The following PCDHGB3 variants were observed in gnomAD, a reference collection of about 807,000 sequenced individuals.
PCDHGB3 encodes protocadherin gamma subfamily B, 3.
In PCDHGB3, 40 loss-of-function variants were observed where a neutral mutation model predicts 59.2. The observed-to-expected ratio is 0.68, with a 90% CI of 0.52 to 0.88. PCDHGB3 has a LOEUF of 0.88. Ranked by LOEUF, PCDHGB3 falls within the 40% of genes least tolerant of loss-of-function variation. The probability of loss-of-function intolerance (pLI) is 0.00; values close to 1 mark genes in which losing one functional copy is unlikely to be tolerated. For missense variants in PCDHGB3, 1,309 were observed against 1,187.9 expected, an observed-to-expected ratio of 1.10 and a Z score of -1.50; for synonymous variants, 581 against 503.6, an observed-to-expected ratio of 1.15 and a Z score of -2.06.
chr5:141,370,878 G>A lies in PCDHGB3; in HGVS notation c.484G>A (p.Val162Ile), dbSNP rs906619365. 6.2e-7 allele frequency: 1 copy of A among 1,613,918 alleles called. No homozygotes were observed. Among genetic ancestry groups the A allele is most frequent in the African/African-American group, 1.3e-5 (1 of 74,928 alleles). Residue 162 changes from valine to isoleucine, a missense_variant, in exon 1 of 4, where the codon GTA (valine) becomes ATA (isoleucine). Coordinates refer to ENST00000576222, the MANE Select transcript of PCDHGB3 (RefSeq NM_018924.5). ...FALESAQDPD[V>I]GVNSLQQYYL... ...CCTGGAATCTGCGCAAGATCCTGAT[G>A]TAGGTGTCAATTCGCTGCAGCAGTA...
At chr5:141,415,425 T>G (rs777503392) in intron 1 of PCDHGB3, 7 of 1,614,080 alleles carry the variant, frequency 4.3e-6, no homozygotes, top group African/African-American at 1.3e-5. Context: ...TGGACGGGGT[T>G]CGGGCTTTCC....
intron 1 of PCDHGB3, among the ~76,000 whole-genome samples, chr5:141,444,242 G>A (rs964582042): frequency 7.5e-6 from 1 of 133,896 alleles, no homozygotes; most frequent in Non-Finnish European, 1.5e-5. Flanking sequence ...CATGCTCTCG[G>A]CTCACTGCAA....
Position 141,491,509 on chromosome 5 carries a change from C to T in PCDHGB3, c.2416-3298C>T. 6.2e-7 allele frequency: 1 copy of T among 1,614,058 alleles called. No individual in the cohort carries two copies. Among genetic ancestry groups the T allele is most frequent in the Non-Finnish European group, 8.5e-7 (1 of 1,180,022 alleles). On this transcript the variant is annotated intron_variant, in intron 1 of 3. Coordinates refer to ENST00000576222, the MANE Select transcript of PCDHGB3 (RefSeq NM_018924.5). The surrounding 1 kb of genome is among the most constrained non-coding windows in gnomAD (Gnocchi z 6.9). Reference sequence around the variant, plus strand: ...CCTGCAGGTGAGCTCGGACGGCACGCTCAAGTACATGGAGGTGACGCTGCG... The same window carrying T: ...CCTGCAGGTGAGCTCGGACGGCACGTTCAAGTACATGGAGGTGACGCTGCG...
intron 1 of PCDHGB3, chr5:141,390,614 G>C (rs184586504): frequency 4.8e-5 from 14 of 289,200 alleles, no homozygotes; most frequent in Admixed American, 2.4e-4. Context: ...TTTCCTTCTT[G>C]TTGACTAATA....
intron 1 of PCDHGB3, among the ~76,000 whole-genome samples, chr5:141,473,195 C>G (rs1053769499): frequency 6.6e-6 from 1 of 152,104 alleles, no homozygotes; most frequent in Non-Finnish European, 1.5e-5. Flanking sequence ...GTAAATGTAT[C>G]TTCTAAAAAA....
rs540471918 is a variant in PCDHGB3 at position 141,433,283 on chromosome 5, T to C, written c.2415+60474T>C. ...ATCATAGCTCACTGCAGCCTCAAAC[T>C]CCTAGGCTCAAGCAATTATCCCACC... On this transcript the variant is annotated intron_variant, in intron 1 of 3. Coordinates refer to ENST00000576222, the MANE Select transcript of PCDHGB3 (RefSeq NM_018924.5). The C allele has an allele frequency of 4.2e-5, 50 of 1,183,074 alleles. No homozygotes were observed. In the Admixed American group the frequency reaches 7.9e-4, roughly 19 times the overall value. 73.3% of individuals were successfully genotyped at this position (1,183,074 alleles called of 1,614,324 possible).
chr5:141,500,460 C>T (rs1421637554), intron 2 of PCDHGB3, among the ~76,000 whole-genome samples: 2 of 152,234 alleles, frequency 1.3e-5, no homozygotes, highest in South Asian at 2.1e-4. Context: ...CCGCCCGCCT[C>T]GGCCTCCCAA....
chr5:141,413,921 C>G, intron 1 of PCDHGB3: 2 of 1,613,360 alleles, frequency 1.2e-6, no homozygotes, highest in Middle Eastern at 1.6e-4. Flanking sequence ...TTCACCTTGC[C>G]AGAATACCGA....
chr5:141,375,960 TGC>T (rs1772099160), intron 1 of PCDHGB3: 2 of 1,613,220 alleles, frequency 1.2e-6, no homozygotes, highest in South Asian at 2.2e-5. Flanking sequence ...ACGGGCGAGG[TGC>T]GCACGGCGCG....
intron 1 of PCDHGB3, chr5:141,375,644 G>C: frequency 6.2e-7 from 1 of 1,614,180 alleles, no homozygotes; most frequent in Non-Finnish European, 8.5e-7. Flanking sequence ...GCGCTCCTTC[G>C]ACTATGAGCA....
intron 2 of PCDHGB3, among the ~76,000 whole-genome samples, chr5:141,495,296 T>TCCTCCAGAG (rs998633800): frequency 1.3e-5 from 2 of 152,054 alleles, no homozygotes; most frequent in Non-Finnish European, 2.9e-5. Flanking sequence ...ACTCAGCGCC[T>TCCTCCAGAG]CCTCCAGAGC....
chr5:141,416,011 GGTAA>G (rs1031382322), intron 1 of PCDHGB3: 25 of 239,912 alleles, frequency 1.0e-4, no homozygotes, highest in Non-Finnish European at 3.9e-5. Flanking sequence ...GGTAAGAATA[GGTAA>G]GTATCAGAAA....
In PCDHGB3 at chr5:141,432,700, G is replaced by C. The variant is rs1320099367; in HGVS notation, c.2415+59891G>C. 4 of 1,613,980 alleles carry C rather than the reference G, an allele frequency of 2.5e-6. No individual in the cohort carries two copies. In the Admixed American group the frequency reaches 6.7e-5, roughly 27 times the overall value. ...AGCAGAGCCTCGTAGTGGCCGTCCA[G>C]GACCACGGCCAGCCCCCTCTCTCCG... On this transcript the variant is annotated intron_variant, in intron 1 of 3. Coordinates refer to ENST00000576222, the MANE Select transcript of PCDHGB3 (RefSeq NM_018924.5). The surrounding 1 kb of genome is among the most constrained non-coding windows in gnomAD (Gnocchi z 6.0).
chr5:141,383,975 A>G (rs2150246512), intron 1 of PCDHGB3: 3 of 1,613,820 alleles, frequency 1.9e-6, no homozygotes, highest in South Asian at 2.2e-5. Flanking sequence ...ATCCCTGAAG[A>G]CACACCTCTT....
At chr5:141,502,534 C>T (rs565889110) in intron 2 of PCDHGB3, among the ~76,000 whole-genome samples, 10 of 152,074 alleles carry the variant, frequency 6.6e-5, no homozygotes, top group Non-Finnish European at 1.0e-4. Context: ...CGAGTTTGTT[C>T]GTGTGGTAAA....
chr5:141,508,183 A>G (rs1596134418), intron 3 of PCDHGB3: 1 of 152,336 alleles, frequency 6.6e-6, no homozygotes, highest in African/African-American at 2.4e-5. Context: ...GAGAGAAGGC[A>G]TCACCCCCAC....
rs754652710 is a variant in PCDHGB3 at position 141,476,367 on chromosome 5, G to A, written c.2416-18440G>A. Reference sequence around the variant, plus strand: ...TTCTTTGAGGTGAACCGGGAGACCGGAGAGATGTTTGTGAACGACCGTCTG... The same window carrying A: ...TTCTTTGAGGTGAACCGGGAGACCGAAGAGATGTTTGTGAACGACCGTCTG... On this transcript the variant is annotated intron_variant, in intron 1 of 3. Coordinates refer to ENST00000576222, the MANE Select transcript of PCDHGB3 (RefSeq NM_018924.5). The surrounding 1 kb of genome is among the most constrained non-coding windows in gnomAD (Gnocchi z 7.6). The A allele has an allele frequency of 2.5e-6, 4 of 1,614,172 alleles. No homozygotes were observed. In the South Asian group the frequency reaches 3.3e-5, roughly 13 times the overall value.
At chr5:141,409,589 G>A (rs1487343349) in intron 1 of PCDHGB3, 12 of 1,613,758 alleles carry the variant, frequency 7.4e-6, no homozygotes, top group East Asian at 4.5e-5. Flanking sequence ...CCACGTGGCC[G>A]AGAACAACCC....
At chr5:141,509,411 AGCC>A (rs2099876675) in intron 3 of PCDHGB3, among the ~76,000 whole-genome samples, 2 of 152,098 alleles carry the variant, frequency 1.3e-5, no homozygotes, top group Admixed American at 1.3e-4. Flanking sequence ...TCCAGCAGCG[AGCC>A]CCAATGAGTC....
Sources: gnomAD v4.1 joint callset for allele counts (sites outside exome capture counted in the v4.1 genomes callset) on GRCh38, gnomAD v4.1.1 for gene constraint, Gnocchi (gnomAD v3.1) non-coding constraint, MANE v1.5 for transcripts, NCBI Gene and HGNC (gene_info 2026-07-23, HGNC 2026-07-21) for gene names.